Variants in NAALADL2 observed in about 807,000 individuals in gnomAD.
NAALADL2 encodes the protein inactive N-acetylated-alpha-linked acidic dipeptidase-like protein 2.
Under a neutral mutation model 87.2 loss-of-function variants are expected in NAALADL2, and 76 were observed. The ratio of observed to expected loss-of-function variants is 0.87; its 90% CI spans 0.72 to 1.05. The LOEUF is 1.05. NAALADL2 is among the 50% of genes least tolerant of loss of function. The pLI is 0.00. For synonymous variants in NAALADL2, 354 were observed against 331.0 expected (o/e 1.07, Z -0.75); for missense variants, 1,089 against 945.8 (o/e 1.15, Z -1.99).
intron 1 of NAALADL2, among the ~76,000 whole-genome samples, chr3:174,519,539 C>T (rs1179728904): frequency 6.6e-6 from 1 of 151,956 alleles, no homozygotes; most frequent in African/African-American, 2.4e-5. Context: ...CCATCTTGGT[C>T]AGTCTGGTCT....
intron 9 of NAALADL2, among the ~76,000 whole-genome samples, chr3:175,523,621 G>A (rs758753073): frequency 7.2e-5 from 11 of 152,216 alleles, no homozygotes; most frequent in East Asian, 1.9e-4. Context: ...AATGGTGAGC[G>A]TACACTTGGA....
At chr3:174,637,974 A>G (rs968676591) in intron 2 of NAALADL2, among the ~76,000 whole-genome samples, 4 of 152,162 alleles carry the variant, frequency 2.6e-5, no homozygotes, top group African/African-American at 9.6e-5. Flanking sequence ...CTAAATATTC[A>G]AAGTGTTCAT....
intron 1 of NAALADL2, among the ~76,000 whole-genome samples, chr3:174,867,621 GCA>G (rs924430021): frequency 4.6e-5 from 7 of 152,066 alleles, no homozygotes; most frequent in South Asian, 4.1e-4. Context: ...AGCATAAAAT[GCA>G]CAGTCTTATT....
intron 9 of NAALADL2, 144 bp downstream of exon 9, chr3:175,471,902 T>A: frequency 1.4e-6 from 1 of 717,428 alleles, no homozygotes; most frequent in Admixed American, 3.4e-5. Context: ...TTGCTGACAT[T>A]TTATCAATAT....
rs146388186 is a variant in NAALADL2 at position 175,495,511 on chromosome 3, A to G, written c.1653+23753A>G. On this transcript the variant is annotated intron_variant, in intron 9 of 13. Transcript: ENST00000454872. ...TGCAAAAGTAATTGCGGTTTTTGCA[A>G]TTACTTTTGCACCAACCTAATCTTT... is the stretch of plus-strand genomic sequence containing the variant. 1.4e-4 allele frequency among the ~76,000 whole-genome samples: 22 copies of G among 152,136 alleles called. No individual in the cohort carries two copies. The East Asian group carries it at 4.3e-3, about 29-fold the overall frequency.
chr3:174,873,889 A>T (rs1218836311), intron 1 of NAALADL2, among the ~76,000 whole-genome samples: 2 of 151,932 alleles, frequency 1.3e-5, no homozygotes, highest in African/African-American at 4.8e-5. Context: ...CTCCTCAAGG[A>T]ATAAAGAATT....
chr3:175,297,786 C>T (rs1043194136), intron 4 of NAALADL2, among the ~76,000 whole-genome samples: 4 of 152,030 alleles, frequency 2.6e-5, no homozygotes, highest in Admixed American at 6.6e-5. Context: ...GTGCACATAC[C>T]CATAACAATG....
chr3:175,725,330 A>C (rs1742780367), intron 11 of NAALADL2, among the ~76,000 whole-genome samples: 1 of 152,130 alleles, frequency 6.6e-6, no homozygotes, highest in African/African-American at 2.4e-5. Flanking sequence ...ATACACAGCC[A>C]CTACCTCCTT....
intron 11 of NAALADL2, among the ~76,000 whole-genome samples, chr3:175,640,475 T>C (rs1321366436): frequency 1.3e-5 from 2 of 152,108 alleles, no homozygotes; most frequent in African/African-American, 4.8e-5. Flanking sequence ...ATGAAGAAAA[T>C]ATTTTTATTC....
At chr3:174,775,295 C>G (rs1715073487) in intron 3 of NAALADL2, among the ~76,000 whole-genome samples, 1 of 151,810 alleles carries the variant, frequency 6.6e-6, no homozygotes, top group African/African-American at 2.4e-5. Context: ...CAGTCACTCC[C>G]CATCTCCTCA....
chr3:174,819,058 C>CTTTTTTTTT lies in NAALADL2; in HGVS notation c.-9+81332_-9+81340dup, dbSNP rs3040106. ...GAATTTCTTTATTATACCATTTATT[C>CTTTTTTTTT]TTTTTTTTTTTTTTTTTTTTTTTTT... is the stretch of plus-strand genomic sequence containing the variant. On this transcript the variant is annotated intron_variant, in intron 3 of 3. Transcript: ENST00000434257. 2.9e-3 allele frequency among the ~76,000 whole-genome samples: 138 copies of CTTTTTTTTT among 47,546 alleles called. 15 individuals are homozygous for CTTTTTTTTT. Among genetic ancestry groups the CTTTTTTTTT allele is most frequent in the Middle Eastern group, 0.019 (1 of 52 alleles). 31.2% of individuals were successfully genotyped at this position (47,546 alleles called of 152,430 possible).
intron 9 of NAALADL2, among the ~76,000 whole-genome samples, chr3:175,523,745 A>G (rs1176084593): frequency 6.6e-6 from 1 of 152,198 alleles, no homozygotes; most frequent in Non-Finnish European, 1.5e-5. Flanking sequence ...TGGCTAATTT[A>G]AAGAGAGTGA....
intron 2 of NAALADL2, among the ~76,000 whole-genome samples, chr3:175,165,015 G>T (rs565201708): frequency 3.9e-5 from 6 of 152,114 alleles, no homozygotes; most frequent in African/African-American, 1.2e-4. Context: ...ACTGCACACC[G>T]CTCTGGGCCA....
chr3:175,247,628 T>G (rs887797308), intron 3 of NAALADL2, among the ~76,000 whole-genome samples: 2 of 152,144 alleles, frequency 1.3e-5, no homozygotes, highest in Non-Finnish European at 2.9e-5. Flanking sequence ...CAGGACCAGC[T>G]ACATAATTTG....
intron 2 of NAALADL2, among the ~76,000 whole-genome samples, chr3:175,113,832 G>T (rs555532358): frequency 2.0e-5 from 3 of 151,390 alleles, no homozygotes; most frequent in Admixed American, 1.3e-4. Flanking sequence ...TTTCAAAATC[G>T]TAAACAAACC....
At chr3:175,405,154 C>T (rs1712085824) in intron 5 of NAALADL2, among the ~76,000 whole-genome samples, 1 of 152,124 alleles carries the variant, frequency 6.6e-6, no homozygotes, top group Admixed American at 6.6e-5. Context: ...TAGTGTTCTT[C>T]AAGATTTAAA....
intron 4 of NAALADL2, among the ~76,000 whole-genome samples, chr3:175,273,718 ATG>A (rs530042501): frequency 1.1e-4 from 16 of 147,740 alleles, no homozygotes; most frequent in Non-Finnish European, 2.0e-4. Context: ...ATGTGTGTGC[ATG>A]TGTGTGTGTG....
Position 175,810,251 on chromosome 3 carries a change from CAATTT to C in NAALADL2, c.*7050_*7054del, listed in dbSNP as rs1755066821. ...TCTATATTTAGCCCAAGTGTGATCA[CAATTT>C]ATTTTATAACTTTTTATGTGTTACT... On this transcript the variant is annotated 3_prime_UTR_variant, in exon 14 of 14. Transcript: ENST00000454872. 6.6e-6 allele frequency: 1 copy of C among 151,732 alleles called. No homozygotes were observed. Among genetic ancestry groups the C allele is most frequent in the Admixed American group, 6.6e-5 (1 of 15,206 alleles). 9.4% of individuals were successfully genotyped at this position (151,732 alleles called of 1,614,324 possible). A position where few individuals can be genotyped will look rare whatever the true frequency, so the allele number is the denominator to read the frequency against.
At chr3:175,797,274 GAATT>G (rs997159967) in intron 13 of NAALADL2, among the ~76,000 whole-genome samples, 4 of 151,996 alleles carry the variant, frequency 2.6e-5, no homozygotes, top group African/African-American at 9.7e-5. Flanking sequence ...CATGAGGGTG[GAATT>G]AATGTTATTT....
Sources: gnomAD v4.1 joint callset for allele counts (sites outside exome capture counted in the v4.1 genomes callset) on GRCh38, gnomAD v4.1.1 for gene constraint, MANE v1.5 for transcripts, NCBI Gene and HGNC (gene_info 2026-07-23, HGNC 2026-07-21) for gene names.